The following ARHGEF26 variants were observed in gnomAD, a reference collection of about 807,000 sequenced individuals.
The protein encoded by ARHGEF26 is Rho guanine nucleotide exchange factor (GEF) 26.
A neutral mutation model predicts 89.4 loss-of-function variants in ARHGEF26; 59 were observed. The ratio of observed to expected loss-of-function variants is 0.66; its 90% CI spans 0.54 to 0.82. ARHGEF26 has a LOEUF of 0.82. ARHGEF26 is among the 40% of genes least tolerant of loss of function. The pLI, the probability that ARHGEF26 is intolerant of heterozygous loss-of-function variation, is 0.00. For synonymous variants in ARHGEF26, 500 were observed against 428.4 expected, an observed-to-expected ratio of 1.17 and a Z score of -2.06; for missense variants, 1,234 against 1,085.6, an observed-to-expected ratio of 1.14 and a Z score of -1.92.
At chr3:154,127,661 T>G (rs1233332432) in intron 3 of ARHGEF26, among the ~76,000 whole-genome samples, 9 of 151,590 alleles carry the variant, frequency 5.9e-5, no homozygotes, top group African/African-American at 2.2e-4. Context: ...AAAAGCATGG[T>G]ATAGTAAATA....
intron 4 of ARHGEF26, among the ~76,000 whole-genome samples, chr3:154,144,542 T>G (rs145692886): frequency 1.9e-3 from 282 of 152,324 alleles, no homozygotes; most frequent in African/African-American, 6.5e-3. Context: ...ATTTCCTAAA[T>G]GTACAAAGCA....
intron 10 of ARHGEF26, among the ~76,000 whole-genome samples, chr3:154,224,780 TGGACCTTCA>T (rs1262299404): frequency 6.6e-6 from 1 of 152,214 alleles, no homozygotes; most frequent in Non-Finnish European, 1.5e-5. Context: ...CTTCGTTTTT[TGGACCTTCA>T]GGAAAATAGT....
intron 6 of ARHGEF26, among the ~76,000 whole-genome samples, chr3:154,160,553 A>G (rs1454492194): frequency 2.0e-5 from 3 of 152,146 alleles, no homozygotes; most frequent in Non-Finnish European, 2.9e-5. Flanking sequence ...ATATTTTGGA[A>G]CCTGAAAAAC....
At chr3:154,192,839 T>A (rs1187533943) in intron 8 of ARHGEF26, among the ~76,000 whole-genome samples, 1 of 152,220 alleles carries the variant, frequency 6.6e-6, no homozygotes, top group Admixed American at 6.5e-5. Flanking sequence ...TCTTTGAGAA[T>A]TGAAATAAAA....
At position 154,257,012 on chromosome 3, in the gene ARHGEF26, T is replaced by G; in HGVS notation, c.*1539T>G. On this transcript the variant is annotated 3_prime_UTR_variant, in exon 15 of 15. Coordinates refer to ENST00000465093, the MANE Select transcript of ARHGEF26 (RefSeq NM_015595.4). ...AACAAAGGGATAAAACCTGGCAAAGTGTACATTATTGGAGGACTCAAATCT... is the reference window on the plus strand; with the variant it reads ...AACAAAGGGATAAAACCTGGCAAAGGGTACATTATTGGAGGACTCAAATCT... 1 of 1,493,664 alleles carries G rather than the reference T, an allele frequency of 6.7e-7. No homozygotes were observed. Among genetic ancestry groups the G allele is most frequent in the South Asian group, 1.3e-5 (1 of 75,504 alleles). 92.5% of individuals were successfully genotyped at this position (1,493,664 alleles called of 1,614,324 possible).
chr3:154,207,229 C>T (rs759051235), intron 9 of ARHGEF26, among the ~76,000 whole-genome samples: 1 of 151,962 alleles, frequency 6.6e-6, no homozygotes, highest in Non-Finnish European at 1.5e-5. Context: ...CAAAAACAGT[C>T]GTGACAAAAG....
intron 9 of ARHGEF26, among the ~76,000 whole-genome samples, chr3:154,215,986 A>G (rs1715701377): frequency 6.6e-6 from 1 of 152,120 alleles, no homozygotes; most frequent in South Asian, 2.1e-4. Flanking sequence ...CTGTACATAT[A>G]TGTGTGTATT....
chr3:154,217,631 C>T (rs114390168), intron 9 of ARHGEF26, among the ~76,000 whole-genome samples: 2,184 of 152,210 alleles, frequency 0.014, 49 homozygotes, highest in African/African-American at 0.049. Context: ...GGAAGAAGGG[C>T]GAGGGTTGCA....
chr3:154,177,071 A>G (rs1712868374), intron 6 of ARHGEF26, among the ~76,000 whole-genome samples: 1 of 152,224 alleles, frequency 6.6e-6, no homozygotes. Flanking sequence ...ATGCATGTAT[A>G]AAACAGAACA....
At chr3:154,214,713 A>G (rs1366275417) in intron 9 of ARHGEF26, among the ~76,000 whole-genome samples, 1 of 152,174 alleles carries the variant, frequency 6.6e-6, no homozygotes, top group East Asian at 1.9e-4. Flanking sequence ...ATTCCCCAGG[A>G]GAAGTCACAA....
chr3:154,136,077 A>T (rs1718984578), intron 4 of ARHGEF26, among the ~76,000 whole-genome samples: 1 of 152,148 alleles, frequency 6.6e-6, no homozygotes, highest in African/African-American at 2.4e-5. Context: ...TCAGCACCTA[A>T]TAGAGTCATC....
rs1279201684 is a variant in ARHGEF26 at position 154,255,934 on chromosome 3, T to C, written c.*461T>C. ...GTAAATATTTCCCTGCCTTTTTTTT[T>C]CTTTTTTTACATCTGATTTTAATGC... On this transcript the variant is annotated 3_prime_UTR_variant, in exon 15 of 15. Coordinates refer to ENST00000465093, the MANE Select transcript of ARHGEF26 (RefSeq NM_015595.4). 3.3e-5 allele frequency: 33 copies of C among 986,874 alleles called. No homozygotes were observed. Among genetic ancestry groups the C allele is most frequent in the Non-Finnish European group, 3.9e-5 (32 of 830,830 alleles). 61.1% of individuals were successfully genotyped at this position (986,874 alleles called of 1,614,324 possible).
At position 154,121,837 on chromosome 3, in the gene ARHGEF26, G is replaced by A; in HGVS notation, c.-51-105G>A. ...AAGGGCGGGTAAGTGCGGTGCAGTCGTGTCCTGCGCAGCAGCAGGGGGACC... is the reference window on the plus strand; with the variant it reads ...AAGGGCGGGTAAGTGCGGTGCAGTCATGTCCTGCGCAGCAGCAGGGGGACC... On this transcript the variant is annotated intron_variant, in intron 1 of 14. Transcript: ENST00000465093. The A allele has an allele frequency of 4.9e-6, 5 of 1,028,968 alleles. No individual in the cohort carries two copies. The South Asian group carries it at 5.3e-5, about 11-fold the overall frequency. 63.7% of individuals were successfully genotyped at this position (1,028,968 alleles called of 1,614,324 possible). A position where few individuals can be genotyped will look rare whatever the true frequency, so the allele number is the denominator to read the frequency against.
chr3:154,256,746 A>G lies in ARHGEF26; in HGVS notation c.*1273A>G. 7.1e-7 allele frequency: 1 copy of G among 1,417,228 alleles called. No individual in the cohort carries two copies. Among genetic ancestry groups the G allele is most frequent in the South Asian group, 1.6e-5 (1 of 61,074 alleles). 87.8% of individuals were successfully genotyped at this position (1,417,228 alleles called of 1,614,324 possible). A position where few individuals can be genotyped will look rare whatever the true frequency, so the allele number is the denominator to read the frequency against. ...AAAGATACCAAGAAGTCAGCATGGT[A>G]CCCAATTGAAACCTTTTGACCTTAG... On this transcript the variant is annotated 3_prime_UTR_variant, in exon 15 of 15. Transcript: ENST00000465093.
chr3:154,154,245 T>C (rs545155514), intron 6 of ARHGEF26, among the ~76,000 whole-genome samples: 169 of 152,212 alleles, frequency 1.1e-3, no homozygotes, highest in Non-Finnish European at 1.9e-3. Context: ...GATCATGTTT[T>C]ACAATTCCTG....
intron 9 of ARHGEF26, among the ~76,000 whole-genome samples, chr3:154,207,229 C>A: frequency 6.6e-6 from 1 of 151,962 alleles, no homozygotes; most frequent in East Asian, 1.9e-4. Context: ...CAAAAACAGT[C>A]GTGACAAAAG....
intron 9 of ARHGEF26, among the ~76,000 whole-genome samples, chr3:154,216,359 G>A (rs1314885338): frequency 6.6e-6 from 1 of 151,614 alleles, no homozygotes; most frequent in Non-Finnish European, 1.5e-5. Context: ...AGATAATTTT[G>A]CTTTATAGAT....
At chr3:154,141,722 A>G (rs760193243) in intron 4 of ARHGEF26, among the ~76,000 whole-genome samples, 3 of 152,234 alleles carry the variant, frequency 2.0e-5, no homozygotes, top group Non-Finnish European at 4.4e-5. Flanking sequence ...GTATGTGTGT[A>G]TATATCTCAA....
intron 10 of ARHGEF26, among the ~76,000 whole-genome samples, chr3:154,223,601 A>G (rs1200774827): frequency 1.3e-5 from 2 of 152,210 alleles, no homozygotes; most frequent in Non-Finnish European, 2.9e-5. Context: ...AAGATCACAT[A>G]TTGTATAATT....
Sources: allele counts gnomAD v4.1 joint callset (sites outside exome capture counted in the v4.1 genomes callset), GRCh38; gene constraint gnomAD v4.1.1; transcripts MANE v1.5; gene names NCBI Gene and HGNC (gene_info 2026-07-23, HGNC 2026-07-21).